The following GLT1D1 variants were observed in gnomAD, a reference collection of about 807,000 sequenced individuals.
The protein encoded by GLT1D1 is glycosyltransferase 1 domain-containing protein 1.
Under a neutral mutation model 28.7 loss-of-function variants are expected in GLT1D1, and 21 were observed. The ratio of observed to expected loss-of-function variants is 0.73; its 90% CI spans 0.52 to 1.05. The LOEUF is 1.05. Ranked by LOEUF, GLT1D1 falls within the 50% of genes least tolerant of loss-of-function variation. The pLI is 0.00. For synonymous variants in GLT1D1, 147 were observed against 124.8 expected (o/e 1.18, Z -1.19); for missense variants, 343 against 330.6 (o/e 1.04, Z -0.29).
chr12:128,911,251 G>A (rs139733211), intron 4 of GLT1D1, among the ~76,000 whole-genome samples: 148 of 152,286 alleles, frequency 9.7e-4, no homozygotes, highest in Middle Eastern at 3.4e-3. Context: ...CTTCTGCCTG[G>A]ATGCTGCCTC....
chr12:128,855,256 C>CA (rs1258698287), intron 1 of GLT1D1, among the ~76,000 whole-genome samples: 5 of 131,592 alleles, frequency 3.8e-5, no homozygotes, highest in South Asian at 2.5e-4. Flanking sequence ...ACAACAACAA[C>CA]AAAAAAAACA....
intron 7 of GLT1D1, among the ~76,000 whole-genome samples, chr12:128,960,048 G>A (rs1015203621): frequency 2.6e-5 from 4 of 152,030 alleles, no homozygotes; most frequent in African/African-American, 7.2e-5. Flanking sequence ...AATCATTATC[G>A]TGCCGCCGAT....
At position 128,871,391 on chromosome 12, in the gene GLT1D1, A is replaced by C. The variant is rs558651048; in HGVS notation, c.69-4523A>C. 2.9e-4 allele frequency among the ~76,000 whole-genome samples: 44 copies of C among 152,286 alleles called. No individual in the cohort carries two copies. The South Asian group carries it at 8.3e-3, about 29-fold the overall frequency. On this transcript the variant is annotated intron_variant, in intron 1 of 7. Transcript: ENST00000281703. ...GGTGGGGAGAGAAGGAATGTTACTG[A>C]CCCACAATGACTGGATCAAAATTAA...
chr12:128,877,464 C>A (rs1436747331), intron 2 of GLT1D1, among the ~76,000 whole-genome samples: 1 of 152,180 alleles, frequency 6.6e-6, no homozygotes, highest in African/African-American at 2.4e-5. Flanking sequence ...CTTTTTCCTG[C>A]CTCCTGTTCC....
chr12:128,915,359 T>G (rs1056118737), intron 4 of GLT1D1, among the ~76,000 whole-genome samples: 1 of 151,012 alleles, frequency 6.6e-6, no homozygotes, highest in African/African-American at 2.4e-5. Context: ...TATCAGAATA[T>G]GCAACACATT....
chr12:128,958,269 A>G (rs1877498753), intron 7 of GLT1D1, among the ~76,000 whole-genome samples: 1 of 152,190 alleles, frequency 6.6e-6, no homozygotes, highest in Non-Finnish European at 1.5e-5. Flanking sequence ...TGCCTCCTGC[A>G]GAGAGTGACC....
At chr12:128,934,024 G>A (rs1436246715) in intron 4 of GLT1D1, among the ~76,000 whole-genome samples, 2 of 151,970 alleles carry the variant, frequency 1.3e-5, no homozygotes, top group Non-Finnish European at 1.5e-5. Context: ...GACATCCGAC[G>A]GGAGTGCACT....
intron 6 of GLT1D1, among the ~76,000 whole-genome samples, chr12:128,952,469 C>CTTTCTTT (rs150827801): frequency 2.5e-5 from 3 of 120,650 alleles, no homozygotes; most frequent in Non-Finnish European, 5.0e-5. Flanking sequence ...AAATTTCTTT[C>CTTTCTTT]TTTTTTTTTT....
chr12:128,960,248 T>TGAAA (rs1426543135), intron 7 of GLT1D1, among the ~76,000 whole-genome samples: 3 of 152,220 alleles, frequency 2.0e-5, no homozygotes, highest in Non-Finnish European at 4.4e-5. Context: ...TAACACACGT[T>TGAAA]GAAAGAGTGT....
At chr12:128,940,360 A>G (rs1875069022) in intron 4 of GLT1D1, among the ~76,000 whole-genome samples, 1 of 152,190 alleles carries the variant, frequency 6.6e-6, no homozygotes, top group African/African-American at 2.4e-5. Flanking sequence ...TCAGCGCTTC[A>G]TGTCTTCTCA....
chr12:128,935,889 G>A (rs1170541199), intron 4 of GLT1D1, among the ~76,000 whole-genome samples: 1 of 152,186 alleles, frequency 6.6e-6, no homozygotes, highest in Non-Finnish European at 1.5e-5. Flanking sequence ...CTAACCGCTG[G>A]CAAGTTAGTT....
At chr12:128,898,215 C>T (rs1869869027) in intron 3 of GLT1D1, among the ~76,000 whole-genome samples, 1 of 151,828 alleles carries the variant, frequency 6.6e-6, no homozygotes, top group Admixed American at 6.6e-5. Flanking sequence ...CTCTGTCACC[C>T]AAGCTGGAGT....
chr12:128,951,128 C>A (rs936813002), intron 6 of GLT1D1, among the ~76,000 whole-genome samples: 4 of 152,122 alleles, frequency 2.6e-5, no homozygotes, highest in African/African-American at 9.7e-5. Context: ...TGTGGCCGGG[C>A]GCGGTGGCTC....
At chr12:128,937,712 C>A (rs750857932) in intron 4 of GLT1D1, among the ~76,000 whole-genome samples, 2 of 152,092 alleles carry the variant, frequency 1.3e-5, no homozygotes, top group Non-Finnish European at 2.9e-5. Flanking sequence ...GTTACCCTCA[C>A]GCTGGTTTTT....
intron 2 of GLT1D1, among the ~76,000 whole-genome samples, chr12:128,876,858 A>C (rs1328426320): frequency 2.0e-5 from 3 of 152,172 alleles, no homozygotes. Context: ...AATGGGCCCC[A>C]AGCTTTGGAA....
chr12:128,883,845 C>T (rs1204348491), intron 2 of GLT1D1, among the ~76,000 whole-genome samples: 1 of 152,026 alleles, frequency 6.6e-6, no homozygotes, highest in African/African-American at 2.4e-5. Context: ...GGGGTGCAGA[C>T]ATAAATAAGA....
At chr12:128,933,848 G>C (rs866901228) in intron 4 of GLT1D1, among the ~76,000 whole-genome samples, 30 of 152,294 alleles carry the variant, frequency 2.0e-4, no homozygotes, top group African/African-American at 6.7e-4. Flanking sequence ...GCGATTTCAT[G>C]CTTGAAGTTG....
At chr12:128,931,917 G>GCGCACACACACA (rs1873945966) in intron 4 of GLT1D1, among the ~76,000 whole-genome samples, 1 of 141,002 alleles carries the variant, frequency 7.1e-6, no homozygotes, top group South Asian at 2.2e-4. Flanking sequence ...ACACACGCAC[G>GCGCACACACACA]CACACACACA....
chr12:128,904,727 G>A (rs974964993), intron 4 of GLT1D1, among the ~76,000 whole-genome samples: 13 of 147,464 alleles, frequency 8.8e-5, no homozygotes, highest in Non-Finnish European at 1.3e-4. Flanking sequence ...TGCGGCTCCC[G>A]GATTCAAGCG....
Sources: gnomAD v4.1 joint callset for allele counts (sites outside exome capture counted in the v4.1 genomes callset) on GRCh38, gnomAD v4.1.1 for gene constraint, MANE v1.5 for transcripts, NCBI Gene and HGNC (gene_info 2026-07-23, HGNC 2026-07-21) for gene names.